Variants in PRPF6 observed in about 807,000 individuals in gnomAD.
The protein encoded by PRPF6 is pre-mRNA-processing factor 6.
PRPF6 carries 42 observed loss-of-function variants against 118.3 expected under a neutral mutation model. That is an observed-to-expected ratio of 0.35 (90% CI 0.28 to 0.46). PRPF6 has a LOEUF of 0.46. PRPF6 is among the 20% of genes least tolerant of loss of function. The pLI, the probability that PRPF6 is intolerant of heterozygous loss-of-function variation, is 1.00. For synonymous variants in PRPF6, 481 were observed against 485.1 expected, an observed-to-expected ratio of 0.99 and a Z score of 0.11; for missense variants, 662 against 1,255.7, an observed-to-expected ratio of 0.53 and a Z score of 7.15.
chr20:63,993,862 G>C (rs2059129895), intron 4 of PRPF6, among the ~76,000 whole-genome samples: 1 of 151,286 alleles, frequency 6.6e-6, no homozygotes, highest in African/African-American at 2.4e-5. Context: ...CAATTCTTGT[G>C]CCTCAGCCTC....
chr20:64,005,167 A>G (rs923093096), intron 9 of PRPF6, among the ~76,000 whole-genome samples: 1 of 152,154 alleles, frequency 6.6e-6, no homozygotes, highest in Non-Finnish European at 1.5e-5. Flanking sequence ...GGCTTCCGAA[A>G]GCACCTGGGG....
intron 14 of PRPF6, among the ~76,000 whole-genome samples, chr20:64,025,168 TATC>T (rs1361350254): frequency 1.3e-5 from 2 of 152,228 alleles, no homozygotes; most frequent in South Asian, 2.1e-4. Context: ...CTCAGGCTAA[TATC>T]ATAGAGTGTG....
chr20:64,005,226 A>T (rs2059184703), intron 9 of PRPF6, among the ~76,000 whole-genome samples: 1 of 152,108 alleles, frequency 6.6e-6, no homozygotes, highest in African/African-American at 2.4e-5. Context: ...TGCTGATGAG[A>T]TGCCATGGAG....
At chr20:64,006,859 T>C (rs1323200473) in intron 9 of PRPF6, among the ~76,000 whole-genome samples, 1 of 152,356 alleles carries the variant, frequency 6.6e-6, no homozygotes, top group Admixed American at 6.5e-5. Context: ...GGTAAGACCA[T>C]GTTCTGCCTG....
At chr20:64,016,158 G>A (rs375324783) in intron 11 of PRPF6, among the ~76,000 whole-genome samples, 95 of 150,006 alleles carry the variant, frequency 6.3e-4, no homozygotes, top group African/African-American at 2.2e-3. Context: ...GTCTTGCTCC[G>A]TTGCCCAGGC....
At chr20:63,989,571 C>CT (rs11418750) in intron 3 of PRPF6, among the ~76,000 whole-genome samples, 33,885 of 151,942 alleles carry the variant, frequency 0.22, 4,345 homozygotes, top group African/African-American at 0.34. Context: ...CTTTCTGTTG[C>CT]TTTTTTTTAT....
In PRPF6 at chr20:64,028,840, T is replaced by G. The variant is rs903160187; in HGVS notation, c.2431+271T>G. 1.3e-5 allele frequency among the ~76,000 whole-genome samples: 2 copies of G among 152,320 alleles called. No homozygotes were observed. ...GGAGAATTTGATTTCATTTCTGAAG[T>G]GTTATCATTTCTTTTTCTTTTAAAA... On this transcript the variant is annotated intron_variant, in intron 18 of 20. Coordinates refer to ENST00000266079, the MANE Select transcript of PRPF6 (RefSeq NM_012469.4). The surrounding 1 kb of genome is among the most constrained non-coding windows in gnomAD (Gnocchi z 6.5).
intron 3 of PRPF6, among the ~76,000 whole-genome samples, chr20:63,990,010 C>T (rs1233718552): frequency 3.3e-5 from 5 of 152,026 alleles, no homozygotes; most frequent in African/African-American, 7.3e-5. Context: ...CGCGCCACCA[C>T]ACCTGGCTAA....
In PRPF6 at chr20:64,027,138, C is replaced by A. The variant is rs387907100; in HGVS notation, c.2185C>A (p.Arg729=). 12 of 1,613,654 alleles carry A rather than the reference C, an allele frequency of 7.4e-6. No individual in the cohort carries two copies. The East Asian group carries it at 2.7e-4, about 36-fold the overall frequency. ...GCAGAAGGAGATGATGGAGAAGGCG[C>A]GGGAAGCCTATAACCAGGGGGTACG... The part of the protein sequence containing the change: ...EEQKEMMEKA[R]EAYNQGLKKC... The change falls in exon 16 of 21, where the codon CGG becomes AGG. Residue 729 remains arginine, a synonymous_variant. Coordinates refer to ENST00000266079, the MANE Select transcript of PRPF6 (RefSeq NM_012469.4). This position sits in a 1 kb window ranked among gnomAD's most constrained non-coding sequence, Gnocchi z 6.5.
intron 19 of PRPF6, among the ~76,000 whole-genome samples, 180 bp from the exon 20 acceptor site, chr20:64,031,738 A>C (rs570646453): frequency 3.9e-5 from 6 of 151,964 alleles, no homozygotes; most frequent in Admixed American, 6.5e-5. Context: ...GGCAGCTTCA[A>C]GTTAATGATC....
chr20:64,005,841 C>T (rs759108278), intron 9 of PRPF6, among the ~76,000 whole-genome samples: 2 of 152,034 alleles, frequency 1.3e-5, no homozygotes, highest in East Asian at 3.9e-4. Flanking sequence ...CTCAAACTAT[C>T]CTCCAGTCTC....
At chr20:63,982,897 T>G in intron 1 of PRPF6, 150 bp from the exon 2 acceptor site, 1 of 884,174 alleles carries the variant, frequency 1.1e-6, no homozygotes, top group Non-Finnish European at 1.8e-6. Context: ...AGATCAGAAG[T>G]GTTTGAGACT....
intron 6 of PRPF6, among the ~76,000 whole-genome samples, chr20:63,996,433 G>C (rs1405056422): frequency 6.6e-6 from 1 of 152,184 alleles, no homozygotes; most frequent in African/African-American, 2.4e-5. Context: ...TTCCACCTCA[G>C]CCTGCCAAGT....
intron 6 of PRPF6, among the ~76,000 whole-genome samples, chr20:63,998,137 C>T (rs2059149529): frequency 6.6e-6 from 1 of 152,010 alleles, no homozygotes; most frequent in Non-Finnish European, 1.5e-5. Context: ...CTCTGTCACC[C>T]AGGCTGGAGG....
chr20:64,004,404 C>A (rs1424643874), intron 9 of PRPF6, among the ~76,000 whole-genome samples: 2 of 152,170 alleles, frequency 1.3e-5, no homozygotes, highest in South Asian at 2.1e-4. Context: ...GGGGTGAAGC[C>A]CAGCACTGCT....
chr20:64,009,671 G>C (rs1433213347), intron 9 of PRPF6, among the ~76,000 whole-genome samples: 2 of 152,190 alleles, frequency 1.3e-5, no homozygotes, highest in Non-Finnish European at 2.9e-5. Flanking sequence ...GCAGTCAGCT[G>C]AGATCGTGCC....
At chr20:64,002,023 T>TTG (rs1162624683) in intron 9 of PRPF6, among the ~76,000 whole-genome samples, 3 of 125,384 alleles carry the variant, frequency 2.4e-5, no homozygotes, top group East Asian at 4.6e-4. Flanking sequence ...GGTTTTTTTT[T>TTG]TTTTTTTTTT....
At chr20:63,997,308 T>TTTGG (rs2059144846) in intron 6 of PRPF6, among the ~76,000 whole-genome samples, 1 of 149,170 alleles carries the variant, frequency 6.7e-6, no homozygotes, top group African/African-American at 2.5e-5. Flanking sequence ...TTTTTTTTTT[T>TTTGG]GAGACAGAGT....
chr20:63,993,278 A>G (rs1282497285), intron 3 of PRPF6, 129 bp from the exon 4 acceptor site: 3 of 496,528 alleles, frequency 6.0e-6, no homozygotes, highest in East Asian at 8.9e-5. Context: ...GTATATATAT[A>G]TATATATATT....
Sources: gnomAD v4.1 joint callset for allele counts (sites outside exome capture counted in the v4.1 genomes callset) on GRCh38, gnomAD v4.1.1 for gene constraint, Gnocchi (gnomAD v3.1) non-coding constraint, MANE v1.5 for transcripts, NCBI Gene and HGNC (gene_info 2026-07-23, HGNC 2026-07-21) for gene names.